The following TRA2A variants were observed in gnomAD, a reference collection of about 807,000 sequenced individuals.
TRA2A encodes transformer-2 protein homolog alpha.
In TRA2A, 31 loss-of-function variants were observed where a neutral mutation model predicts 45.7. The ratio of observed to expected loss-of-function variants is 0.68; its 90% CI spans 0.51 to 0.92. The LOEUF is 0.92. Ranked by LOEUF, TRA2A falls within the 40% of genes least tolerant of loss-of-function variation. The probability of loss-of-function intolerance (pLI) is 0.00; values close to 1 mark genes in which losing one functional copy is unlikely to be tolerated. For missense variants in TRA2A, 304 were observed against 367.5 expected, an observed-to-expected ratio of 0.83 and a Z score of 1.41; for synonymous variants, 132 against 126.2, an observed-to-expected ratio of 1.05 and a Z score of -0.31.
In TRA2A at chr7:23,521,730, A is replaced by T. The variant is rs1790145552; in HGVS notation, c.147T>A (p.His49Gln). Reference protein sequence around the residue: ...PSRVSKHSESHSRSRSKSRSR... With the variant: ...PSRVSKHSESQSRSRSKSRSR... ...ACCTGGATTTTGATCTTGATCGAGA[A>T]TGGGATTCAGAGTGTTTGGAAACCC... The change falls in exon 2 of 8, where the codon CAT becomes CAA. Residue 49 changes from histidine (H) to glutamine (Q), a missense_variant. Coordinates refer to ENST00000297071, the MANE Select transcript of TRA2A (RefSeq NM_013293.5). 6.2e-7 allele frequency: 1 copy of T among 1,614,178 alleles called. No individual in the cohort carries two copies. Among genetic ancestry groups the T allele is most frequent in the African/African-American group, 1.3e-5 (1 of 75,044 alleles).
At position 23,516,437 on chromosome 7, in the gene TRA2A, T is replaced by A. The variant is rs1008335058; in HGVS notation, c.262A>T (p.Thr88Ser). Reference protein sequence around the residue: ...HRRRSRSRSYTPEYRRRRSRS... With the variant: ...HRRRSRSRSYSPEYRRRRSRS... ...CTCCTTCGCCGCCGGTATTCTGGTG[T>A]ATATGATCTACTTCGAGATCGTCTC... The change falls in exon 3 of 8, where the codon ACA becomes TCA. Residue 88 changes from threonine to serine, a missense_variant. This residue lies in a region of TRA2A where 132 missense variants were observed against 113.4 expected (regional missense o/e 1.16). Transcript: ENST00000297071. The A allele has an allele frequency of 6.2e-7, 1 of 1,614,116 alleles. No homozygotes were observed. The highest frequency in any genetic ancestry group is 1.1e-5 in the South Asian group (1 of 91,094).
rs543214444 is a variant in TRA2A at position 23,525,502 on chromosome 7, A to G, written c.37-3662T>C. Among the ~76,000 whole-genome samples, 4 of 152,348 alleles carry G rather than the reference A, an allele frequency of 2.6e-5. No individual in the cohort carries two copies. The South Asian group carries it at 8.3e-4, about 32-fold the overall frequency. On this transcript the variant is annotated intron_variant, in intron 1 of 7. Coordinates refer to ENST00000297071, the MANE Select transcript of TRA2A (RefSeq NM_013293.5). Reference sequence around the variant, plus strand: ...TCAACTCGTATCATGAATTTTAACAAAAGTCTTAAATAGGCCTCCAGTCTA... The same window carrying G: ...TCAACTCGTATCATGAATTTTAACAGAAGTCTTAAATAGGCCTCCAGTCTA...
chr7:23,507,604 A>G (rs1789403012), intron 4 of TRA2A, 69 bp from the exon 5 acceptor site: 1 of 1,097,384 alleles, frequency 9.1e-7, no homozygotes, highest in Admixed American at 1.7e-5. Context: ...CTTAAAATTA[A>G]GCACAAAGTA....
chr7:23,520,891 C>T (rs1240461148), intron 2 of TRA2A, among the ~76,000 whole-genome samples: 4 of 152,006 alleles, frequency 2.6e-5, no homozygotes, highest in East Asian at 3.9e-4. Flanking sequence ...CAGGGTTTCA[C>T]CATGTTGCCC....
chr7:23,521,854 C>T lies in TRA2A; in HGVS notation c.37-14G>A, dbSNP rs1185250839. ...AGAGCGAGACTCCTAACAAAGAAGA[C>T]AGTATTACAAATGGCACTGGTCATG... On this transcript the variant is annotated splice_polypyrimidine_tract_variant and intron_variant, in intron 1 of 7. Coordinates refer to ENST00000297071, the MANE Select transcript of TRA2A (RefSeq NM_013293.5). The T allele has an allele frequency of 2.5e-6, 4 of 1,613,890 alleles. No individual in the cohort carries two copies. The highest frequency in any genetic ancestry group is 3.4e-6 in the Non-Finnish European group (4 of 1,180,010).
At chr7:23,519,067 C>A (rs1435087544) in intron 2 of TRA2A, among the ~76,000 whole-genome samples, 1 of 152,162 alleles carries the variant, frequency 6.6e-6, no homozygotes, top group Non-Finnish European at 1.5e-5. Flanking sequence ...GCTCTAATTC[C>A]CAGTTGCTTG....
intron 6 of TRA2A, 97 bp from the exon 7 acceptor site, chr7:23,505,910 T>G: frequency 2.5e-6 from 2 of 795,592 alleles, no homozygotes; most frequent in Non-Finnish European, 3.9e-6. Context: ...ATAATGTACC[T>G]AAGGTGATAA....
At chr7:23,506,582 GA>G (rs554957504) in intron 5 of TRA2A, 127 of 307,766 alleles carry the variant, frequency 4.1e-4, no homozygotes, top group African/African-American at 2.5e-3. Flanking sequence ...AAAATGCTAA[GA>G]TGCATTCCTA....
At chr7:23,519,124 T>C (rs1414943314) in intron 2 of TRA2A, among the ~76,000 whole-genome samples, 2 of 152,194 alleles carry the variant, frequency 1.3e-5, no homozygotes, top group African/African-American at 2.4e-5. Context: ...CCGGGCACGG[T>C]GGCTCACGCC....
chr7:23,526,810 G>C (rs183917736), intron 1 of TRA2A, among the ~76,000 whole-genome samples: 37 of 152,216 alleles, frequency 2.4e-4, no homozygotes, highest in African/African-American at 8.2e-4. Flanking sequence ...TGAAGTCAAT[G>C]TGGTCTTTAT....
Position 23,504,803 on chromosome 7 carries a change from T to C in TRA2A, c.*756A>G, listed in dbSNP as rs1031231270. 6.6e-6 allele frequency: 1 copy of C among 152,602 alleles called. No individual in the cohort carries two copies. The highest frequency in any genetic ancestry group is 1.5e-5 in the Non-Finnish European group (1 of 68,044). The allele number at this position is 152,602 out of a possible 1,614,324, so 9.5% of individuals were successfully genotyped here. ...CATTTTCAAAGAAATTAGCTTTTAT[T>C]TGAGACTACTTTTCCCCACATGTAT... On this transcript the variant is annotated 3_prime_UTR_variant, in exon 8 of 8. Transcript: ENST00000297071.
In TRA2A at chr7:23,505,772, C is replaced by T. The variant is rs141362754; in HGVS notation, c.812G>A (p.Arg271Gln). The T allele has an allele frequency of 5.8e-6, 9 of 1,561,030 alleles. No homozygotes were observed. Among genetic ancestry groups the T allele is most frequent in the Non-Finnish European group, 7.8e-6 (9 of 1,160,068 alleles). The change falls in exon 7 of 8, where the codon CGA becomes CAA. Residue 271 changes from arginine (R) to glutamine (Q), a missense_variant. Transcript: ENST00000297071. ...PSPYYSRYRS[R>Q]SRSRSYSPRR... ...TGGGCTGTAGGAACGAGATCTTGATCGTGATCTATATCGACTATAATAAGG... is the reference window on the plus strand; with the variant it reads ...TGGGCTGTAGGAACGAGATCTTGATTGTGATCTATATCGACTATAATAAGG...
chr7:23,516,240 A>G, intron 3 of TRA2A, 123 bp downstream of exon 3: 1 of 882,348 alleles, frequency 1.1e-6, no homozygotes, highest in Non-Finnish European at 1.7e-6. Flanking sequence ...AAAGCAGCTT[A>G]TTAAGGATGT....
At chr7:23,530,851 A>C (rs180873950) in intron 1 of TRA2A, among the ~76,000 whole-genome samples, 1 of 152,318 alleles carries the variant, frequency 6.6e-6, no homozygotes, top group Admixed American at 6.5e-5. Context: ...CTGACTAGTT[A>C]TCTTAAAAAT....
chr7:23,511,142 C>T (rs1331236608), intron 4 of TRA2A, among the ~76,000 whole-genome samples: 4 of 151,806 alleles, frequency 2.6e-5, no homozygotes, highest in African/African-American at 9.7e-5. Context: ...GAGGCTGAGG[C>T]GGGTGGATCA....
chr7:23,505,307 A>G lies in TRA2A; in HGVS notation c.*252T>C, dbSNP rs1789262861. 1.0e-5 allele frequency: 4 copies of G among 386,388 alleles called. No homozygotes were observed. Among genetic ancestry groups the G allele is most frequent in the Non-Finnish European group, 1.4e-5 (3 of 216,938 alleles). The allele number at this position is 386,388 out of a possible 1,614,324, so 23.9% of individuals were successfully genotyped here. ...AAGCAAAAAAAAAAATTTACAAAGC[A>G]TAACATAACATTGGGGTTCTTTTTA... On this transcript the variant is annotated 3_prime_UTR_variant, in exon 8 of 8. Transcript: ENST00000297071.
intron 4 of TRA2A, among the ~76,000 whole-genome samples, chr7:23,509,432 A>G (rs934604533): frequency 3.9e-5 from 6 of 152,162 alleles, no homozygotes; most frequent in Non-Finnish European, 7.3e-5. Flanking sequence ...CAAATTTTAA[A>G]AAGATTTTAA....
At chr7:23,508,338 G>C (rs966355281) in intron 4 of TRA2A, among the ~76,000 whole-genome samples, 1 of 143,070 alleles carries the variant, frequency 7.0e-6, no homozygotes, top group Non-Finnish European at 1.5e-5. Flanking sequence ...GTGGATCATA[G>C]TTCACTGTGG....
intron 4 of TRA2A, among the ~76,000 whole-genome samples, chr7:23,512,494 T>C (rs1325966613): frequency 6.6e-6 from 1 of 152,036 alleles, no homozygotes; most frequent in Non-Finnish European, 1.5e-5. Context: ...AGTCTCACTG[T>C]GTCGCCCAGG....
Sources: allele counts gnomAD v4.1 joint callset (sites outside exome capture counted in the v4.1 genomes callset), GRCh38; gene constraint gnomAD v4.1.1; regional missense constraint gnomAD v4.1.1; transcripts MANE v1.5; gene names NCBI Gene and HGNC (gene_info 2026-07-23, HGNC 2026-07-21).